The following DIP2C variants were observed in gnomAD, a reference collection of about 807,000 sequenced individuals.
DIP2C encodes DIP2 acetate--CoA ligase C (putative), also known as disco-interacting protein 2 homolog C.
In DIP2C, 33 loss-of-function variants were observed where a neutral mutation model predicts 192.4. That is an observed-to-expected ratio of 0.17 (90% CI 0.13 to 0.23). The LOEUF (loss-of-function observed/expected upper bound fraction) is 0.23. Among genes scored for constraint, DIP2C ranks in the 10% least tolerant of loss-of-function variants. DIP2C has a pLI of 1.00. For synonymous variants in DIP2C, 979 were observed against 864.1 expected (o/e 1.13, Z -2.33); for missense variants, 1,537 against 2,110.1 (o/e 0.73, Z 5.32).
In DIP2C at chr10:656,415, T is replaced by G. The variant is rs531563504; in HGVS notation, c.85+33079A>C. Among the ~76,000 whole-genome samples the G allele has an allele frequency of 2.0e-5, 3 of 152,322 alleles. No individual in the cohort carries two copies. In the South Asian group the frequency reaches 6.2e-4, roughly 32 times the overall value. ...TTCTATACAGTATCAGGCATCGCTT[T>G]ACCATGTCCCACTACATAAGAGCAG... On this transcript the variant is annotated intron_variant, in intron 1 of 36. Coordinates refer to ENST00000280886, the MANE Select transcript of DIP2C (RefSeq NM_014974.3).
intron 1 of DIP2C, among the ~76,000 whole-genome samples, chr10:654,879 G>A (rs935055194): frequency 7.2e-5 from 11 of 152,040 alleles, no homozygotes; most frequent in East Asian, 1.9e-4. Context: ...CATTCTCTAC[G>A]ATACAATATT....
intron 2 of DIP2C, among the ~76,000 whole-genome samples, chr10:476,750 A>C (rs945505014): frequency 1.3e-5 from 2 of 152,168 alleles, no homozygotes; most frequent in African/African-American, 2.4e-5. Context: ...CAAGAACAAA[A>C]TCTGGCTTGT....
intron 29 of DIP2C, among the ~76,000 whole-genome samples, chr10:330,944 T>C (rs531691313): frequency 4.0e-5 from 6 of 151,510 alleles, no homozygotes; most frequent in Admixed American, 6.6e-5. Context: ...CCTGAGTAGC[T>C]GGGACTACAG....
chr10:563,459 G>C (rs1293633678), intron 1 of DIP2C, among the ~76,000 whole-genome samples: 3 of 152,162 alleles, frequency 2.0e-5, no homozygotes, highest in South Asian at 4.1e-4. Flanking sequence ...ATGAGAAAGT[G>C]ACAAATCAGT....
chr10:658,594 T>G (rs2132064139), intron 1 of DIP2C, among the ~76,000 whole-genome samples: 1 of 152,326 alleles, frequency 6.6e-6, no homozygotes, highest in Non-Finnish European at 1.5e-5. Flanking sequence ...TGTCTGCAAC[T>G]AGAAATACCA....
intron 1 of DIP2C, among the ~76,000 whole-genome samples, chr10:613,539 C>T (rs548991878): frequency 8.5e-5 from 13 of 152,328 alleles, no homozygotes; most frequent in Middle Eastern, 6.8e-3. Context: ...CAACTGCATT[C>T]GTCTCCACCC....
chr10:482,355 G>T (rs1157666926), intron 2 of DIP2C, among the ~76,000 whole-genome samples: 1 of 151,702 alleles, frequency 6.6e-6, no homozygotes, highest in East Asian at 1.9e-4. Flanking sequence ...ACCATGGGAG[G>T]CCTCTTCCTG....
intron 1 of DIP2C, among the ~76,000 whole-genome samples, chr10:626,450 G>A (rs1399425760): frequency 1.2e-4 from 18 of 146,314 alleles, no homozygotes; most frequent in African/African-American, 3.9e-4. Context: ...CCGTCCCCCC[G>A]TCCCCGGAGT....
intron 11 of DIP2C, 105 bp from the exon 12 acceptor site, chr10:390,478 A>C: frequency 8.4e-7 from 1 of 1,193,922 alleles, no homozygotes; most frequent in Admixed American, 1.9e-5. Flanking sequence ...AACTAGATCG[A>C]ATCTCTGGTG....
chr10:675,540 G>GA (rs1360511845), intron 1 of DIP2C, among the ~76,000 whole-genome samples: 9 of 149,386 alleles, frequency 6.0e-5, no homozygotes, highest in Admixed American at 1.3e-4. Flanking sequence ...GCTACACTAA[G>GA]AAAAAAAAAG....
intron 17 of DIP2C, 115 bp downstream of exon 17, chr10:382,532 A>C: frequency 1.4e-6 from 1 of 730,508 alleles, no homozygotes; most frequent in Non-Finnish European, 2.4e-6. Context: ...TTGAAAGGTT[A>C]GGTCCCGTTT....
intron 1 of DIP2C, among the ~76,000 whole-genome samples, chr10:580,623 T>C (rs888100258): frequency 2.6e-5 from 4 of 152,134 alleles, no homozygotes; most frequent in African/African-American, 9.7e-5. Context: ...TGGCAATACA[T>C]AGTACGCATA....
chr10:513,601 G>A (rs1028941775), intron 1 of DIP2C, among the ~76,000 whole-genome samples: 1 of 142,192 alleles, frequency 7.0e-6, no homozygotes, highest in Non-Finnish European at 1.5e-5. Flanking sequence ...AATTCACCCT[G>A]TACCACGCCT....
chr10:662,640 T>C, intron 1 of DIP2C: 2 of 566,290 alleles, frequency 3.5e-6, no homozygotes, highest in Non-Finnish European at 6.3e-6. Flanking sequence ...AAAGACTTGA[T>C]ATGGGGGAAT....
intron 17 of DIP2C, among the ~76,000 whole-genome samples, chr10:374,596 C>T (rs899070401): frequency 3.3e-5 from 5 of 152,228 alleles, no homozygotes; most frequent in Admixed American, 6.5e-5. Context: ...CTGACCACAG[C>T]GCCAAGCTGC....
intron 1 of DIP2C, among the ~76,000 whole-genome samples, chr10:531,570 C>G (rs529597117): frequency 6.6e-6 from 1 of 152,172 alleles, no homozygotes; most frequent in African/African-American, 2.4e-5. Flanking sequence ...CTGACGGAAG[C>G]GTCTATCGCC....
At chr10:351,847 A>C (rs1181641216) in intron 24 of DIP2C, among the ~76,000 whole-genome samples, 2 of 152,172 alleles carry the variant, frequency 1.3e-5, no homozygotes, top group Non-Finnish European at 2.9e-5. Flanking sequence ...TGAGCTCTTC[A>C]AGTGAACATG....
chr10:641,367 G>C (rs1055830036), intron 1 of DIP2C, among the ~76,000 whole-genome samples: 8 of 152,126 alleles, frequency 5.3e-5, no homozygotes, highest in Non-Finnish European at 7.4e-5. Flanking sequence ...CGCCAGGAAC[G>C]AGGGCACCGG....
At chr10:490,595 A>G (rs1462614928) in intron 1 of DIP2C, among the ~76,000 whole-genome samples, 2 of 152,244 alleles carry the variant, frequency 1.3e-5, no homozygotes, top group African/African-American at 4.8e-5. Context: ...CCCCTGCCAG[A>G]GCGCTTTCCA....
Sources: allele counts gnomAD v4.1 joint callset (sites outside exome capture counted in the v4.1 genomes callset), GRCh38; gene constraint gnomAD v4.1.1; transcripts MANE v1.5; gene names NCBI Gene and HGNC (gene_info 2026-07-23, HGNC 2026-07-21).